FHIT: variants seen among roughly 807,000 people sequenced by gnomAD.
FHIT encodes bis(5'-adenosyl)-triphosphatase.
A neutral mutation model predicts 17.9 loss-of-function variants in FHIT; 19 were observed. The observed-to-expected ratio is 1.06, with a 90% confidence interval of 0.74 to 1.56. FHIT has a LOEUF of 1.56. Ranked by LOEUF, FHIT falls within the 40% of genes most tolerant of loss-of-function variation. The pLI, the probability that FHIT is intolerant of heterozygous loss-of-function variation, is 0.00. For missense variants in FHIT, 248 were observed against 189.2 expected (o/e 1.31, Z -1.82); for synonymous variants, 81 against 69.7 (o/e 1.16, Z -0.81).
At chr3:60,272,219 A>G (rs1254179580) in intron 5 of FHIT, among the ~76,000 whole-genome samples, 1 of 152,216 alleles carries the variant, frequency 6.6e-6, no homozygotes, top group Non-Finnish European at 1.5e-5. Flanking sequence ...GTTAAGTGGT[A>G]TTTATACAAT....
chr3:60,443,844 G>T (rs1040538096), intron 5 of FHIT, among the ~76,000 whole-genome samples: 4 of 152,060 alleles, frequency 2.6e-5, no homozygotes, highest in Non-Finnish European at 5.9e-5. Flanking sequence ...TGACAAATGG[G>T]ATCCAATTAA....
Position 60,035,968 on chromosome 3 carries a change from T to C in FHIT, c.104-21816A>G, listed in dbSNP as rs1701200406. 3.3e-5 allele frequency among the ~76,000 whole-genome samples: 5 copies of C among 152,202 alleles called. No individual in the cohort carries two copies. The South Asian group carries it at 8.3e-4, about 25-fold the overall frequency. ...CCATGGTGGGCCAGCAGATCAGCTCTGCCCATCTCTGGCACTCTGATATCC... is the reference window on the plus strand; with the variant it reads ...CCATGGTGGGCCAGCAGATCAGCTCCGCCCATCTCTGGCACTCTGATATCC... On this transcript the variant is annotated intron_variant, in intron 5 of 9. Coordinates refer to ENST00000492590, the MANE Select transcript of FHIT (RefSeq NM_002012.4).
At chr3:60,933,923 A>T (rs1708075435) in intron 3 of FHIT, among the ~76,000 whole-genome samples, 1 of 152,170 alleles carries the variant, frequency 6.6e-6, no homozygotes, top group Admixed American at 6.5e-5. Context: ...CAGTGGTGTG[A>T]CCCGGAATCT....
At chr3:60,079,658 A>C (rs1703190765) in intron 5 of FHIT, among the ~76,000 whole-genome samples, 1 of 151,976 alleles carries the variant, frequency 6.6e-6, no homozygotes. Context: ...TATTAATCCC[A>C]AATGAACAAA....
chr3:60,734,136 G>A (rs2042088015), intron 4 of FHIT, among the ~76,000 whole-genome samples: 2 of 151,372 alleles, frequency 1.3e-5, no homozygotes, highest in East Asian at 2.0e-4. Flanking sequence ...CAATGCAAGC[G>A]CCATTGTTTC....
intron 3 of FHIT, among the ~76,000 whole-genome samples, chr3:60,903,510 C>T (rs1278426214): frequency 6.6e-6 from 1 of 152,184 alleles, no homozygotes; most frequent in Non-Finnish European, 1.5e-5. Flanking sequence ...AGATGGAAGG[C>T]ATGAAGCAAA....
rs143467711 is a variant in FHIT at position 60,208,460 on chromosome 3, A to G, written c.104-194308T>C. On this transcript the variant is annotated intron_variant, in intron 5 of 9. Transcript: ENST00000492590. Reference sequence around the variant, plus strand: ...TCAAACTTTTCTAGGATGGCTGAGAAGTTGAAAATCCTAAATGCCCACATT... The same window carrying G: ...TCAAACTTTTCTAGGATGGCTGAGAGGTTGAAAATCCTAAATGCCCACATT... Among the ~76,000 whole-genome samples the G allele has an allele frequency of 2.3e-4, 35 of 152,326 alleles. 1 individual carries two copies. The highest frequency in any genetic ancestry group is 8.4e-4 in the African/African-American group (35 of 41,580).
intron 5 of FHIT, among the ~76,000 whole-genome samples, chr3:60,370,386 G>A (rs148518795): frequency 2.8e-3 from 430 of 151,986 alleles, no homozygotes; most frequent in African/African-American, 0.01. Context: ...AGAACCTCTC[G>A]CCCAATAAAA....
chr3:60,039,484 C>T (rs1470151782), intron 5 of FHIT, among the ~76,000 whole-genome samples: 1 of 152,114 alleles, frequency 6.6e-6, no homozygotes, highest in Non-Finnish European at 1.5e-5. Flanking sequence ...GGGAAGGCTG[C>T]TTAGGTGATG....
intron 5 of FHIT, among the ~76,000 whole-genome samples, chr3:60,491,037 G>A (rs995121552): frequency 2.0e-5 from 3 of 152,230 alleles, no homozygotes; most frequent in African/African-American, 7.2e-5. Context: ...AACCCAAAAA[G>A]TATATGTTGC....
intron 5 of FHIT, among the ~76,000 whole-genome samples, chr3:60,270,758 G>A (rs914609580): frequency 3.9e-5 from 6 of 152,160 alleles, no homozygotes; most frequent in Admixed American, 6.5e-5. Context: ...GTGTGAAAGA[G>A]GGATGGGGCG....
At chr3:61,077,221 A>C (rs1296275444) in intron 2 of FHIT, among the ~76,000 whole-genome samples, 2 of 152,150 alleles carry the variant, frequency 1.3e-5, no homozygotes, top group African/African-American at 4.8e-5. Context: ...AAAGCCCCCA[A>C]GTGCAGTGTC....
intron 2 of FHIT, among the ~76,000 whole-genome samples, chr3:61,111,113 G>A (rs2036145972): frequency 6.6e-6 from 1 of 152,156 alleles, no homozygotes; most frequent in African/African-American, 2.4e-5. Flanking sequence ...TTAGCATGCT[G>A]TCAAAAGGTT....
intron 3 of FHIT, among the ~76,000 whole-genome samples, chr3:61,012,692 T>C (rs1034541918): frequency 3.3e-5 from 5 of 151,480 alleles, no homozygotes; most frequent in African/African-American, 1.2e-4. Context: ...TATTTAATAA[T>C]TGTTAATATA....
At chr3:60,077,041 T>C (rs1432301627) in intron 5 of FHIT, among the ~76,000 whole-genome samples, 2 of 148,584 alleles carry the variant, frequency 1.3e-5, no homozygotes, top group East Asian at 3.9e-4. Flanking sequence ...TTAAATAAGA[T>C]AGATAAAACT....
At chr3:60,846,951 G>T (rs182416308) in intron 3 of FHIT, among the ~76,000 whole-genome samples, 2 of 152,136 alleles carry the variant, frequency 1.3e-5, no homozygotes, top group East Asian at 3.9e-4. Context: ...AGGCTCCCGA[G>T]TAGCTGGGAT....
intron 7 of FHIT, among the ~76,000 whole-genome samples, chr3:59,999,111 G>A (rs1338170631): frequency 6.6e-6 from 1 of 152,048 alleles, no homozygotes; most frequent in African/African-American, 2.4e-5. Flanking sequence ...CCTGACTCGG[G>A]TTTTCTCGCA....
intron 1 of FHIT, among the ~76,000 whole-genome samples, chr3:61,249,991 A>ACACAC (rs1553886933): frequency 1.7e-4 from 17 of 100,468 alleles, no homozygotes; most frequent in South Asian, 6.1e-4. Flanking sequence ...CACACACACA[A>ACACAC]ACCCTAGACT....
At chr3:60,854,413 T>A (rs561436635) in intron 3 of FHIT, among the ~76,000 whole-genome samples, 1 of 152,060 alleles carries the variant, frequency 6.6e-6, no homozygotes, top group Non-Finnish European at 1.5e-5. Flanking sequence ...AGCCCAACAG[T>A]GATTTAAACA....
Sources: gnomAD v4.1 joint callset for allele counts (sites outside exome capture counted in the v4.1 genomes callset) on GRCh38, gnomAD v4.1.1 for gene constraint, MANE v1.5 for transcripts, NCBI Gene and HGNC (gene_info 2026-07-23, HGNC 2026-07-21) for gene names.